HLCS: variants seen among roughly 807,000 people sequenced by gnomAD.
HLCS encodes biotin--protein ligase.
In HLCS, 53 loss-of-function variants were observed where a neutral mutation model predicts 75.0. The ratio of observed to expected loss-of-function variants is 0.71; its 90% CI spans 0.57 to 0.89. The LOEUF is 0.89. Among genes scored for constraint, HLCS ranks in the 40% least tolerant of loss-of-function variants. HLCS has a pLI of 0.00. For synonymous variants in HLCS, 431 were observed against 428.6 expected, an observed-to-expected ratio of 1.01 and a Z score of -0.07; for missense variants, 966 against 1,074.0, an observed-to-expected ratio of 0.90 and a Z score of 1.41.
chr21:36,940,668 T>A (rs1285786050), intron 2 of HLCS, among the ~76,000 whole-genome samples: 1 of 152,232 alleles, frequency 6.6e-6, no homozygotes, highest in Non-Finnish European at 1.5e-5. Context: ...GGGGTATTCC[T>A]GCAAGACACG....
At chr21:36,790,293 ACT>A (rs2060821405) in intron 6 of HLCS, among the ~76,000 whole-genome samples, 4 of 152,156 alleles carry the variant, frequency 2.6e-5, no homozygotes, top group African/African-American at 9.7e-5. Context: ...AATCCCAGCT[ACT>A]CAGGAGGCTG....
chr21:36,938,566 C>A lies in HLCS; in HGVS notation c.493+266G>T, dbSNP rs537299625. Among the ~76,000 whole-genome samples, 23 of 152,290 alleles carry A rather than the reference C, an allele frequency of 1.5e-4. 1 individual carries two copies. Among genetic ancestry groups the A allele is most frequent in the African/African-American group, 5.3e-4 (22 of 41,554 alleles). ...CCACATGGGAATGCAGTGGCGTGAT[C>A]ATGGCTCACTGTGGCCTCAACCTCC... On this transcript the variant is annotated intron_variant, in intron 3 of 10. Coordinates refer to ENST00000674895, the MANE Select transcript of HLCS (RefSeq NM_001352514.2).
chr21:36,863,373 G>C (rs890470950), intron 6 of HLCS, among the ~76,000 whole-genome samples: 6 of 152,006 alleles, frequency 3.9e-5, no homozygotes, highest in African/African-American at 7.3e-5. Context: ...AAAATGTGGG[G>C]GTGGGGAATA....
chr21:36,914,432 G>C (rs1004206824), intron 5 of HLCS, among the ~76,000 whole-genome samples: 1 of 152,128 alleles, frequency 6.6e-6, no homozygotes, highest in African/African-American at 2.4e-5. Context: ...CCAATGCCTG[G>C]GACACAGTAG....
At chr21:36,801,655 G>A (rs1161738930) in intron 6 of HLCS, among the ~76,000 whole-genome samples, 4 of 152,148 alleles carry the variant, frequency 2.6e-5, no homozygotes, top group Admixed American at 2.0e-4. Flanking sequence ...GGATCTCAGA[G>A]AGTCTATTAA....
intron 5 of HLCS, among the ~76,000 whole-genome samples, chr21:36,918,180 C>T (rs2146434691): frequency 6.6e-6 from 1 of 152,300 alleles, no homozygotes; most frequent in East Asian, 1.9e-4. Flanking sequence ...ACACTAACTC[C>T]TATGTACTGA....
intron 9 of HLCS, among the ~76,000 whole-genome samples, chr21:36,757,186 G>C (rs1210984785): frequency 2.0e-5 from 3 of 152,190 alleles, no homozygotes; most frequent in Non-Finnish European, 4.4e-5. Flanking sequence ...CTTGAAAATA[G>C]AGTTTTATTC....
chr21:36,867,618 T>C (rs1266192202), intron 6 of HLCS, among the ~76,000 whole-genome samples: 1 of 152,178 alleles, frequency 6.6e-6, no homozygotes, highest in Non-Finnish European at 1.5e-5. Flanking sequence ...GGAAAAGCAA[T>C]GACCAGATGA....
chr21:36,829,815 C>T (rs1276826887), intron 6 of HLCS, among the ~76,000 whole-genome samples: 5 of 152,168 alleles, frequency 3.3e-5, no homozygotes, highest in South Asian at 2.1e-4. Flanking sequence ...GGCCCTCTCC[C>T]GCAGAGGGAA....
chr21:36,791,743 G>A (rs2060872845), intron 6 of HLCS, among the ~76,000 whole-genome samples: 1 of 152,038 alleles, frequency 6.6e-6, no homozygotes, highest in African/African-American at 2.4e-5. Flanking sequence ...GGGTGCCACG[G>A]GGCTGCATGG....
At chr21:36,819,729 G>A (rs2061769555) in intron 6 of HLCS, among the ~76,000 whole-genome samples, 1 of 152,106 alleles carries the variant, frequency 6.6e-6, no homozygotes, top group Non-Finnish European at 1.5e-5. Context: ...AGGCCACACA[G>A]CTAGCAGCCA....
chr21:36,789,780 AC>A (rs2145872470), intron 6 of HLCS, among the ~76,000 whole-genome samples: 1 of 152,282 alleles, frequency 6.6e-6, no homozygotes, highest in South Asian at 2.1e-4. Flanking sequence ...ATTTATTGAA[AC>A]CTGCTTTTTA....
chr21:36,830,357 A>G (rs1190199511), intron 6 of HLCS, among the ~76,000 whole-genome samples: 5 of 152,194 alleles, frequency 3.3e-5, no homozygotes, highest in African/African-American at 1.2e-4. Flanking sequence ...TTTCCCATCC[A>G]GTCCTGTGGT....
At chr21:36,916,426 G>C (rs569805325) in intron 5 of HLCS, among the ~76,000 whole-genome samples, 1 of 151,088 alleles carries the variant, frequency 6.6e-6, no homozygotes, top group African/African-American at 2.4e-5. Context: ...GCAGTGGCGC[G>C]ATCACAAACT....
chr21:36,920,408 C>T lies in HLCS; in HGVS notation c.1620+9843G>A, dbSNP rs116834250. On this transcript the variant is annotated intron_variant, in intron 5 of 10. Transcript: ENST00000674895. ...CAGAGATGGGAATGGTTAATGGATG[C>T]AAAAAATAAAAATAAATAAAAAGAA... Among the ~76,000 whole-genome samples, 1,104 of 150,624 alleles carry T rather than the reference C, an allele frequency of 7.3e-3. 13 individuals are homozygous for T. The highest frequency in any genetic ancestry group is 0.026 in the African/African-American group (1,050 of 41,078).
chr21:36,981,187 A>G (rs963381801), intron 1 of HLCS, among the ~76,000 whole-genome samples: 1 of 152,188 alleles, frequency 6.6e-6, no homozygotes, highest in Non-Finnish European at 1.5e-5. Flanking sequence ...TCCTGGCAAA[A>G]TAATGAAGTT....
intron 6 of HLCS, among the ~76,000 whole-genome samples, chr21:36,847,023 G>A (rs1437182590): frequency 3.3e-5 from 5 of 152,174 alleles, no homozygotes. Context: ...TTGCTGCACT[G>A]CTTCAGCCAT....
intron 2 of HLCS, chr21:36,944,053 C>G (rs1177265295): frequency 6.6e-6 from 1 of 152,190 alleles, no homozygotes; most frequent in Admixed American, 6.5e-5. Flanking sequence ...CTTCTAGACA[C>G]TTCAGAATCC....
At chr21:36,938,726 C>G in intron 3 of HLCS, 106 bp downstream of exon 3, 3 of 1,170,266 alleles carry the variant, frequency 2.6e-6, no homozygotes, top group Non-Finnish European at 3.8e-6. Flanking sequence ...TGGTCTCGAA[C>G]TCCTGGGCTC....
Sources: allele counts gnomAD v4.1 joint callset (sites outside exome capture counted in the v4.1 genomes callset), GRCh38; gene constraint gnomAD v4.1.1; transcripts MANE v1.5; gene names NCBI Gene and HGNC (gene_info 2026-07-23, HGNC 2026-07-21).